The following LAMC3 variants were observed in gnomAD, a reference collection of about 807,000 sequenced individuals.
The protein encoded by LAMC3 is laminin subunit gamma-3.
In LAMC3, 128 loss-of-function variants were observed where a neutral mutation model predicts 173.8. The ratio of observed to expected loss-of-function variants is 0.74; its 90% confidence interval spans 0.64 to 0.85. LAMC3 has a LOEUF of 0.85. Ranked by LOEUF, LAMC3 falls within the 40% of genes least tolerant of loss-of-function variation. The pLI, the probability that LAMC3 is intolerant of heterozygous loss-of-function variation, is 0.00. For missense variants in LAMC3, 2,022 were observed against 2,156.0 expected (o/e 0.94, Z 1.23); for synonymous variants, 897 against 909.1 (o/e 0.99, Z 0.24).
chr9:131,077,357 T>G (rs1175006714), intron 22 of LAMC3, 23 bp downstream of exon 22: 1 of 1,612,800 alleles, frequency 6.2e-7, no homozygotes, highest in Non-Finnish European at 8.5e-7. Context: ...GTCTCAGAGC[T>G]CCGTGTGGGG....
At position 131,034,200 on chromosome 9, in the gene LAMC3, G is replaced by A. The variant is rs182281421; in HGVS notation, c.810-1966G>A. Among the ~76,000 whole-genome samples, 102 of 152,302 alleles carry A rather than the reference G, an allele frequency of 6.7e-4. 2 individuals carry two copies. In the South Asian group the frequency reaches 9.7e-3, roughly 15 times the overall value. ...ACAGCCTGTGTTCACAGTGGAGCCC[G>A]TGGAGTCTCACTCTCCTTTCCTGGG... is the stretch of plus-strand genomic sequence containing the variant. On this transcript the variant is annotated intron_variant, in intron 3 of 27. Transcript: ENST00000361069.
intron 12 of LAMC3, among the ~76,000 whole-genome samples, chr9:131,057,994 C>G (rs1032557082): frequency 6.6e-6 from 1 of 152,254 alleles, no homozygotes; most frequent in African/African-American, 2.4e-5. Flanking sequence ...GAAGGCCCCA[C>G]GCTGCAGTGC....
intron 1 of LAMC3, among the ~76,000 whole-genome samples, chr9:131,013,156 C>T (rs1833455251): frequency 6.6e-6 from 1 of 152,250 alleles, no homozygotes. Flanking sequence ...AAAACTGAGG[C>T]ACTGAGGGTG....
intron 3 of LAMC3, among the ~76,000 whole-genome samples, chr9:131,034,457 G>A (rs1833904617): frequency 6.6e-6 from 1 of 152,262 alleles, no homozygotes; most frequent in African/African-American, 2.4e-5. Flanking sequence ...ACAGCGGTTG[G>A]TGATTCGTCA....
chr9:131,030,139 C>G (rs1833800456), intron 2 of LAMC3, among the ~76,000 whole-genome samples: 1 of 152,044 alleles, frequency 6.6e-6, no homozygotes, highest in Admixed American at 6.6e-5. Flanking sequence ...GGGGTTTTGC[C>G]ATGTTGTCCA....
At position 131,087,634 on chromosome 9, in the gene LAMC3, A is replaced by G. The variant is rs530515726; in HGVS notation, c.4377+12A>G. The G allele has an allele frequency of 1.2e-6, 2 of 1,613,806 alleles. No homozygotes were observed. The highest frequency in any genetic ancestry group is 1.1e-5 in the South Asian group (1 of 91,072). On this transcript the variant is annotated intron_variant, in intron 26 of 27. Coordinates refer to ENST00000361069, the MANE Select transcript of LAMC3 (RefSeq NM_006059.4). ...AGGAAGCTGAGCGGGTACGTTTGCC[A>G]GGGCCCCTACCCTATCGCCTCCTGC...
At chr9:131,055,423 C>CTTTTTTTTT (rs56220728) in intron 11 of LAMC3, among the ~76,000 whole-genome samples, 18 of 109,216 alleles carry the variant, frequency 1.6e-4, no homozygotes, top group African/African-American at 2.1e-4. Flanking sequence ...TCTTTTCTTT[C>CTTTTTTTTT]TTTTTTTTTT....
chr9:131,033,881 T>C (rs1030766899), intron 3 of LAMC3, among the ~76,000 whole-genome samples: 2 of 151,908 alleles, frequency 1.3e-5, no homozygotes, highest in Non-Finnish European at 2.9e-5. Context: ...ATTAGAGAGA[T>C]GGAGAAGGGG....
In LAMC3 at chr9:131,039,032, C is replaced by G. The variant is rs780209733; in HGVS notation, c.1145C>G (p.Pro382Arg). ...YHWDPRMPCQ[P>R]CDCQSAGSLH... ...TGGGACCCGCGGATGCCATGCCAGC[C>G]CTGTGACTGCCAGTCGGCAGGTGAG... is the stretch of plus-strand genomic sequence containing the variant. The change falls in exon 5 of 28, where the codon CCC becomes CGC. Residue 382 changes from proline to arginine, a missense_variant. Pro to Arg is a moderately radical substitution (Grantham distance 103, BLOSUM62 -2). Coordinates refer to ENST00000361069, the MANE Select transcript of LAMC3 (RefSeq NM_006059.4). 1.4e-5 allele frequency: 23 copies of G among 1,613,596 alleles called. No individual in the cohort carries two copies. The highest frequency in any genetic ancestry group is 1.7e-5 in the Non-Finnish European group (20 of 1,179,998).
chr9:131,017,175 G>T (rs1833536406), intron 1 of LAMC3, among the ~76,000 whole-genome samples: 1 of 152,168 alleles, frequency 6.6e-6, no homozygotes, highest in South Asian at 2.1e-4. Context: ...GCTGTGCGCG[G>T]GCTGCTGCGG....
rs140354598 is a variant in LAMC3, at chr9:131,012,861, C to T, written c.373+3274C>T. Among the ~76,000 whole-genome samples, 17 of 152,320 alleles carry T rather than the reference C, an allele frequency of 1.1e-4. No homozygotes were observed. In the East Asian group the frequency reaches 3.1e-3, roughly 28 times the overall value. ...GAGGGGCAGGGAAGGAGATGGAGGT[C>T]GCCGCATTCCCAGCCCCCCGTGGCT... On this transcript the variant is annotated intron_variant, in intron 1 of 27. Transcript: ENST00000361069.
At chr9:131,068,869 C>T in intron 15 of LAMC3, 39 bp from the exon 16 acceptor site, 1 of 1,612,982 alleles carries the variant, frequency 6.2e-7, no homozygotes, top group African/African-American at 1.3e-5. Flanking sequence ...AGGAGTGGCC[C>T]TGAGCTTGCC....
chr9:131,073,978 G>A (rs1397143227), intron 20 of LAMC3, among the ~76,000 whole-genome samples: 11 of 119,270 alleles, frequency 9.2e-5, no homozygotes, highest in Non-Finnish European at 1.4e-4. Flanking sequence ...ACGGAGTCTC[G>A]CTCTGTCCCC....
Position 131,026,682 on chromosome 9 carries a change from G to A in LAMC3, c.678+93G>A. On this transcript the variant is annotated intron_variant, in intron 2 of 27. Transcript: ENST00000361069. The surrounding 1 kb of genome is among the most constrained non-coding windows in gnomAD (Gnocchi z 4.8). ...TGATGTGCCAGGACACACAGGGTGG[G>A]GGACCTGCAAAACCCCATGGTTTTC... 1 of 1,439,830 alleles carries A rather than the reference G, an allele frequency of 6.9e-7. No individual in the cohort carries two copies. The highest frequency in any genetic ancestry group is 9.1e-7 in the Non-Finnish European group (1 of 1,101,000). The allele number at this position is 1,439,830 out of a possible 1,614,324, so 89.2% of individuals were successfully genotyped here.
At position 131,010,165 on chromosome 9, in the gene LAMC3, A is replaced by G. The variant is rs947958274; in HGVS notation, c.373+578A>G. Reference sequence around the variant, plus strand: ...CTAACTCCGTCTCAAAAAAAAAAAAAAAAAAAAAAAAAAGCTGGGCGTGGT... The same window carrying G: ...CTAACTCCGTCTCAAAAAAAAAAAAGAAAAAAAAAAAAAGCTGGGCGTGGT... On this transcript the variant is annotated intron_variant, in intron 1 of 27. Transcript: ENST00000361069. 9.3e-5 allele frequency among the ~76,000 whole-genome samples: 14 copies of G among 150,714 alleles called. 1 individual carries two copies. The highest frequency in any genetic ancestry group is 3.4e-4 in the African/African-American group (14 of 41,100).
At chr9:131,060,976 G>A in intron 12 of LAMC3, 59 bp from the exon 13 acceptor site, 2 of 1,562,574 alleles carry the variant, frequency 1.3e-6, no homozygotes, top group Non-Finnish European at 1.8e-6. Context: ...CTCCCACCGG[G>A]ATGCCCACCA....
chr9:131,059,490 CAAAAAAAAAAAAA>C (rs58064050), intron 12 of LAMC3, among the ~76,000 whole-genome samples: 9 of 64,368 alleles, frequency 1.4e-4, no homozygotes, highest in Admixed American at 2.3e-4. Context: ...GACTCCGTCT[CAAAAAAAAAAAAA>C]AAAAAAAAAA....
chr9:131,020,836 AT>A (rs1833610731), intron 1 of LAMC3, among the ~76,000 whole-genome samples: 2 of 151,854 alleles, frequency 1.3e-5, no homozygotes, highest in Admixed American at 6.6e-5. Context: ...GGGTGCCTTT[AT>A]TTTTCCCCCC....
In LAMC3 at chr9:131,093,524, T is replaced by G. The variant is rs1445331510; in HGVS notation, c.*1737T>G. 6.6e-6 allele frequency: 1 copy of G among 152,284 alleles called. No homozygotes were observed. Among genetic ancestry groups the G allele is most frequent in the Non-Finnish European group, 1.5e-5 (1 of 68,160 alleles). 9.4% of individuals were successfully genotyped at this position (152,284 alleles called of 1,614,324 possible). A position where few individuals can be genotyped will look rare whatever the true frequency, so the allele number is the denominator to read the frequency against. On this transcript the variant is annotated 3_prime_UTR_variant, in exon 28 of 28. Transcript: ENST00000361069. The stretch of plus-strand genomic sequence containing the variant: ...CCGCAGGGTTGGGGCTCGGCCAGCT[T>G]GCATCACTCCAGGACCCCAGGTTGA...
Sources: allele counts gnomAD v4.1 joint callset (sites outside exome capture counted in the v4.1 genomes callset), GRCh38; gene constraint gnomAD v4.1.1; non-coding constraint Gnocchi (gnomAD v3.1); transcripts MANE v1.5; gene names NCBI Gene and HGNC (gene_info 2026-07-23, HGNC 2026-07-21).